Variants in HOXA1 observed in about 807,000 individuals in gnomAD.
HOXA1 encodes the protein homeobox A1.
In HOXA1, 21 loss-of-function variants were observed where a neutral mutation model predicts 28.3. That is an observed-to-expected ratio of 0.74 (90% CI 0.53 to 1.07). The LOEUF (loss-of-function observed/expected upper bound fraction) is 1.07. HOXA1 is among the 50% of genes least tolerant of loss of function. The probability of loss-of-function intolerance (pLI) is 0.00; values close to 1 mark genes in which losing one functional copy is unlikely to be tolerated. For synonymous variants in HOXA1, 208 were observed against 181.2 expected (o/e 1.15, Z -1.19); for missense variants, 446 against 434.3 (o/e 1.03, Z -0.24).
At position 27,094,680 on chromosome 7, in the gene HOXA1, G is replaced by T. The variant is rs1345441272; in HGVS notation, c.768C>A (p.Arg256=). The change falls in exon 2 of 2, where the codon CGC becomes CGA. Residue 256 remains arginine (R), a synonymous_variant. Coordinates refer to ENST00000643460, the MANE Select transcript of HOXA1 (RefSeq NM_005522.5). ...ATGCAGCGATCTCCACCCTGCGGGCGCGCGTCAGGTACTTGTTGAAGTGGA... is the reference window on the plus strand; with the variant it reads ...ATGCAGCGATCTCCACCCTGCGGGCTCGCGTCAGGTACTTGTTGAAGTGGA... ...KEFHFNKYLT[R]ARRVEIAASL... is the part of the protein sequence containing the mutation. 1.4e-5 allele frequency: 22 copies of T among 1,614,168 alleles called. No individual in the cohort carries two copies. The highest frequency in any genetic ancestry group is 1.9e-5 in the Non-Finnish European group (22 of 1,179,996).
At position 27,095,482 on chromosome 7, in the gene HOXA1, T is replaced by G; in HGVS notation, c.431A>C (p.His144Pro). The G allele has an allele frequency of 6.2e-7, 1 of 1,614,006 alleles. No homozygotes were observed. Among genetic ancestry groups the G allele is most frequent in the South Asian group, 1.1e-5 (1 of 91,058 alleles). Residue 144 changes from histidine to proline, a missense_variant, in exon 1 of 2, where the codon CAC becomes CCC. Transcript: ENST00000643460. ...GCCCCCAGCATAACCCTGGTGGTGG[T>G]GGTGATGCTGGACCATGGGAGATGA... is the stretch of plus-strand genomic sequence containing the variant. ...NLSSPMVQHH[H>P]HHQGYAGGAV...
chr7:27,094,903 C>A, intron 1 of HOXA1, 108 bp from the exon 2 acceptor site: 1 of 865,596 alleles, frequency 1.2e-6, no homozygotes. Flanking sequence ...AGATCAAGAA[C>A]TCAGCACAAA....
rs751945966 is a variant in HOXA1 at position 27,095,331 on chromosome 7, G to A, written c.582C>T (p.Pro194=). 1 of 1,614,030 alleles carries A rather than the reference G, an allele frequency of 6.2e-7. No homozygotes were observed. Among genetic ancestry groups the A allele is most frequent in the South Asian group, 1.1e-5 (1 of 91,070 alleles). ...GCGCTGGAGAAGATGTCTCCGATGC[G>A]GGGGAGCGACAGGCTTCTTGGTGGC... ...HASHQEACRS[P]ASETSSPAQT... The change falls in exon 1 of 2, where the codon CCC becomes CCT. Residue 194 remains proline (P), a synonymous_variant. Transcript: ENST00000643460.
At position 27,095,955 on chromosome 7, in the gene HOXA1, T is replaced by C; in HGVS notation, c.-43A>G. The C allele has an allele frequency of 7.1e-7, 1 of 1,402,910 alleles. No homozygotes were observed. Among genetic ancestry groups the C allele is most frequent in the Non-Finnish European group, 9.6e-7 (1 of 1,043,348 alleles). 86.9% of individuals were successfully genotyped at this position (1,402,910 alleles called of 1,614,324 possible). A position where few individuals can be genotyped will look rare whatever the true frequency, so the allele number is the denominator to read the frequency against. On this transcript the variant is annotated 5_prime_UTR_variant, in exon 1 of 2. Transcript: ENST00000643460. ...GGTCCTGCGAAGCCCGGCGTGACTG[T>C]GCCAACTTTCTCACTTCCTCCATGG...
In HOXA1 at chr7:27,095,903, C is replaced by T; in HGVS notation, c.10G>A (p.Ala4Thr). Residue 4 changes from alanine to threonine, a missense_variant, in exon 1 of 2, where the codon GCA becomes ACA. Physicochemically the swap from Ala to Thr is moderately conservative, Grantham distance 58. Transcript: ENST00000643460. MDN[A>T]RMNSFLEYPI... is the part of the protein sequence containing the mutation. ...TATTCCAGGAAGGAGTTCATTCTTGCATTGTCCATCTGTCACTGAGTGACC... is the reference window on the plus strand; with the variant it reads ...TATTCCAGGAAGGAGTTCATTCTTGTATTGTCCATCTGTCACTGAGTGACC... 6.2e-7 allele frequency: 1 copy of T among 1,613,498 alleles called. No individual in the cohort carries two copies. The highest frequency in any genetic ancestry group is 8.5e-7 in the Non-Finnish European group (1 of 1,179,990).
rs563885701 is a variant in HOXA1, at chr7:27,094,373, A to G, written c.*67T>C. On this transcript the variant is annotated 3_prime_UTR_variant, in exon 2 of 2. Transcript: ENST00000643460. ...AAATGGAAAGAAAGATAAGCTAAGC[A>G]TGTGCTTTGGGTAAGAAGTCCCAGC... 3 of 1,037,080 alleles carry G rather than the reference A, an allele frequency of 2.9e-6. No individual in the cohort carries two copies. The highest frequency in any genetic ancestry group is 4.7e-5 in the East Asian group (2 of 42,358). 64.2% of individuals were successfully genotyped at this position (1,037,080 alleles called of 1,614,324 possible). A position where few individuals can be genotyped will look rare whatever the true frequency, so the allele number is the denominator to read the frequency against.
Position 27,094,397 on chromosome 7 carries a change from G to T in HOXA1, c.*43C>A. Reference sequence around the variant, plus strand: ...CATGTGCTTTGGGTAAGAAGTCCCAGCCCAAGGAGATGCCTGGGCTGTTGT... The same window carrying T: ...CATGTGCTTTGGGTAAGAAGTCCCATCCCAAGGAGATGCCTGGGCTGTTGT... On this transcript the variant is annotated 3_prime_UTR_variant, in exon 2 of 2. Transcript: ENST00000643460. 7.4e-7 allele frequency: 1 copy of T among 1,360,390 alleles called. No individual in the cohort carries two copies. Among genetic ancestry groups the T allele is most frequent in the Non-Finnish European group, 1.1e-6 (1 of 949,432 alleles). 84.3% of individuals were successfully genotyped at this position (1,360,390 alleles called of 1,614,324 possible). A position where few individuals can be genotyped will look rare whatever the true frequency, so the allele number is the denominator to read the frequency against.
rs759482597 is a variant in HOXA1, at chr7:27,095,919, C to T, written c.-7G>A. On this transcript the variant is annotated 5_prime_UTR_variant, in exon 1 of 2. The change creates a new upstream start codon in the 5' untranslated region. Transcript: ENST00000643460. ...TCATTCTTGCATTGTCCATCTGTCA[C>T]TGAGTGACCTGGTCCTGCGAAGCCC... The T allele has an allele frequency of 6.2e-7, 1 of 1,611,736 alleles. No homozygotes were observed. Among genetic ancestry groups the T allele is most frequent in the Non-Finnish European group, 8.5e-7 (1 of 1,179,396 alleles).
Position 27,095,422 on chromosome 7 carries a change from T to C in HOXA1, c.491A>G (p.Tyr164Cys), listed in dbSNP as rs374380538. 7.1e-5 allele frequency: 114 copies of C among 1,614,066 alleles called. 1 individual carries two copies. The highest frequency in any genetic ancestry group is 3.0e-4 in the South Asian group (27 of 91,074). The change falls in exon 1 of 2, where the codon TAT becomes TGT. Residue 164 changes from tyrosine (Y) to cysteine (C), a missense_variant. Transcript: ENST00000643460. The part of the protein sequence containing the change: ...VGSPQYIHHS[Y>C]GQEHQSLALA... ...GGCCAGGCTCTGGTGCTCCTGTCCA[T>C]ATGAGTGGTGAATGTATTGAGGCGA...
chr7:27,094,576 C>A lies in HOXA1; in HGVS notation c.872G>T (p.Gly291Val). 2 of 1,554,086 alleles carry A rather than the reference C, an allele frequency of 1.3e-6. No homozygotes were observed. The highest frequency in any genetic ancestry group is 8.9e-7 in the Non-Finnish European group (1 of 1,125,320). ...RMKQKKREKE[G>V]LLPISPATPP... ...GGTGGCCGGAGAGATGGGCAAGAGACCCTCCTTCTCACGTTTCTTTTGCTT... is the reference window on the plus strand; with the variant it reads ...GGTGGCCGGAGAGATGGGCAAGAGAACCTCCTTCTCACGTTTCTTTTGCTT... Residue 291 changes from glycine to valine, a missense_variant, in exon 2 of 2, where the codon GGT (glycine) becomes GTT (valine). Transcript: ENST00000643460.
Position 27,093,881 on chromosome 7 carries a change from T to C in HOXA1, c.*559A>G, listed in dbSNP as rs747587603. On this transcript the variant is annotated 3_prime_UTR_variant, in exon 2 of 2. Transcript: ENST00000643460. ...ACCCTGTTTTAGTAACCTAAACATT[T>C]CTAGAAAATCTGTATAAAGATAAAT... is the stretch of plus-strand genomic sequence containing the variant. 6.4e-6 allele frequency: 1 copy of C among 155,114 alleles called. No individual in the cohort carries two copies. 9.6% of individuals were successfully genotyped at this position (155,114 alleles called of 1,614,324 possible).
rs1476310522 is a variant in HOXA1 at position 27,095,875 on chromosome 7, G to A, written c.38C>T (p.Pro13Leu). 1.9e-6 allele frequency: 3 copies of A among 1,613,660 alleles called. No individual in the cohort carries two copies. The African/African-American group carries it at 4.0e-5, about 22-fold the overall frequency. ...CCCCGAGTCGCCACTGCTAAGTATG[G>A]GGTATTCCAGGAAGGAGTTCATTCT... ...NARMNSFLEY[P>L]ILSSGDSGTC... The change falls in exon 1 of 2, where the codon CCC becomes CTC. Residue 13 changes from proline (P) to leucine (L), a missense_variant. Pro to Leu is a moderately conservative substitution (Grantham distance 98). Coordinates refer to ENST00000643460, the MANE Select transcript of HOXA1 (RefSeq NM_005522.5).
chr7:27,095,908 T>C lies in HOXA1; in HGVS notation c.5A>G (p.Asp2Gly), dbSNP rs1783817863. M[D>G]NARMNSFLEY... ...CAGGAAGGAGTTCATTCTTGCATTGTCCATCTGTCACTGAGTGACCTGGTC... is the reference window on the plus strand; with the variant it reads ...CAGGAAGGAGTTCATTCTTGCATTGCCCATCTGTCACTGAGTGACCTGGTC... Residue 2 changes from aspartate to glycine, a missense_variant, in exon 1 of 2, where the codon GAC (aspartate) becomes GGC (glycine). Physicochemically the swap from Asp to Gly is moderately conservative, Grantham distance 94. Transcript: ENST00000643460. 4 of 1,613,104 alleles carry C rather than the reference T, an allele frequency of 2.5e-6. 1 individual carries two copies. The South Asian group carries it at 4.4e-5, about 18-fold the overall frequency.
In HOXA1 at chr7:27,095,998, GA is replaced by G; in HGVS notation, c.-87del. ...CTCCATGGGGCCGGAGAAGAAAAAT[GA>G]TATGAATGTACAGTGCGCAAGAGGG... On this transcript the variant is annotated 5_prime_UTR_variant, in exon 1 of 2. Coordinates refer to ENST00000643460, the MANE Select transcript of HOXA1 (RefSeq NM_005522.5). 1.6e-6 allele frequency: 1 copy of G among 626,186 alleles called. No individual in the cohort carries two copies. The highest frequency in any genetic ancestry group is 2.9e-6 in the Non-Finnish European group (1 of 350,064). The allele number at this position is 626,186 out of a possible 1,614,324, so 38.8% of individuals were successfully genotyped here.
chr7:27,095,396 G>A lies in HOXA1; in HGVS notation c.517C>T (p.Leu173=). 3.7e-6 allele frequency: 6 copies of A among 1,614,166 alleles called. No homozygotes were observed. The highest frequency in any genetic ancestry group is 5.1e-6 in the Non-Finnish European group (6 of 1,180,036). ...GACAAGGAGTTATTATACGTAGCCAGGGCCAGGCTCTGGTGCTCCTGTCCA... is the reference window on the plus strand; with the variant it reads ...GACAAGGAGTTATTATACGTAGCCAAGGCCAGGCTCTGGTGCTCCTGTCCA... The part of the protein sequence containing the change: ...SYGQEHQSLA[L]ATYNNSLSPL... Residue 173 remains leucine, a synonymous_variant, in exon 1 of 2, where the codon CTG becomes TTG. Transcript: ENST00000643460.
In HOXA1 at chr7:27,095,873, T is replaced by A. The variant is rs768791109; in HGVS notation, c.40A>T (p.Ile14Leu). 2.4e-5 allele frequency: 38 copies of A among 1,613,846 alleles called. No homozygotes were observed. Among genetic ancestry groups the A allele is most frequent in the Non-Finnish European group, 3.1e-5 (37 of 1,180,004 alleles). Residue 14 changes from isoleucine to leucine, a missense_variant, in exon 1 of 2, where the codon ATA (isoleucine) becomes TTA (leucine). Physicochemically the swap from Ile to Leu is conservative, Grantham distance 5 (BLOSUM62 2). Transcript: ENST00000643460. ...GTCCCCGAGTCGCCACTGCTAAGTA[T>A]GGGGTATTCCAGGAAGGAGTTCATT... ...ARMNSFLEYP[I>L]LSSGDSGTCS... is the part of the protein sequence containing the mutation.
In HOXA1 at chr7:27,095,388, C is replaced by G; in HGVS notation, c.525G>C (p.Thr175=). The G allele has an allele frequency of 6.2e-7, 1 of 1,614,016 alleles. No individual in the cohort carries two copies. Among genetic ancestry groups the G allele is most frequent in the Non-Finnish European group, 8.5e-7 (1 of 1,179,998 alleles). ...GGAGAGGGGACAAGGAGTTATTATA[C>G]GTAGCCAGGGCCAGGCTCTGGTGCT... is the stretch of plus-strand genomic sequence containing the variant. ...GQEHQSLALA[T]YNNSLSPLHA... is the part of the protein sequence containing the mutation. Residue 175 remains threonine, a synonymous_variant, in exon 1 of 2, where the codon ACG becomes ACC. Coordinates refer to ENST00000643460, the MANE Select transcript of HOXA1 (RefSeq NM_005522.5).
Position 27,095,475 on chromosome 7 carries a change from G to A in HOXA1, c.438C>T (p.His146=). The change falls in exon 1 of 2, where the codon CAC becomes CAT. Residue 146 remains histidine (H), a synonymous_variant. Coordinates refer to ENST00000643460, the MANE Select transcript of HOXA1 (RefSeq NM_005522.5). ...SSPMVQHHHH[H]QGYAGGAVGS... ...CCACCGCGCCCCCAGCATAACCCTG[G>A]TGGTGGTGGTGATGCTGGACCATGG... is the stretch of plus-strand genomic sequence containing the variant. 1 of 1,613,954 alleles carries A rather than the reference G, an allele frequency of 6.2e-7. No individual in the cohort carries two copies. Among genetic ancestry groups the A allele is most frequent in the Non-Finnish European group, 8.5e-7 (1 of 1,179,874 alleles).
At chr7:27,095,200 A>G (rs749125974) in intron 1 of HOXA1, 61 bp downstream of exon 1, 1 of 1,547,256 alleles carries the variant, frequency 6.5e-7, no homozygotes, top group Admixed American at 1.7e-5. Context: ...TTCCTTGGAA[A>G]TTAAGCATAC....
Sources: gnomAD v4.1 joint callset for allele counts on GRCh38, gnomAD v4.1.1 for gene constraint, MANE v1.5 for transcripts, NCBI Gene and HGNC (gene_info 2026-07-23, HGNC 2026-07-21) for gene names.